The following DGAT1 variants were observed in gnomAD, a reference collection of about 807,000 sequenced individuals.
DGAT1 encodes diacylglycerol O-acyltransferase 1.
In DGAT1, 60 loss-of-function variants were observed where a neutral mutation model predicts 72.6. The observed-to-expected ratio is 0.83, with a 90% confidence interval of 0.67 to 1.02. The LOEUF (loss-of-function observed/expected upper bound fraction) is 1.02. Ranked by LOEUF, DGAT1 falls within the 50% of genes least tolerant of loss-of-function variation. DGAT1 has a pLI of 0.00. For synonymous variants in DGAT1, 290 were observed against 267.5 expected, an observed-to-expected ratio of 1.08 and a Z score of -0.82; for missense variants, 592 against 670.0, an observed-to-expected ratio of 0.88 and a Z score of 1.29.
At chr8:144,319,924 A>G (rs540167695) in intron 2 of DGAT1, among the ~76,000 whole-genome samples, 9 of 152,308 alleles carry the variant, frequency 5.9e-5, no homozygotes, top group African/African-American at 1.7e-4. Context: ...GCAAGGGAAC[A>G]CTGAGGGTGT....
chr8:144,325,537 G>C (rs1817576259), intron 1 of DGAT1, among the ~76,000 whole-genome samples: 1 of 152,176 alleles, frequency 6.6e-6, no homozygotes, highest in Admixed American at 6.5e-5. Context: ...CTAAAACAAA[G>C]CCCTGAGGGC....
Position 144,314,870 on chromosome 8 carries a change from C to G in DGAT1, c.*1684G>C, listed in dbSNP as rs1208893949. On this transcript the variant is annotated 3_prime_UTR_variant, in exon 17 of 17. Coordinates refer to ENST00000528718, the MANE Select transcript of DGAT1 (RefSeq NM_012079.6). ...CTAGCTCCGTGCCTGCCCGACTCCC[C>G]AGGACCAGCATGTGCTTGCAGTTCT... 5.1e-6 allele frequency: 5 copies of G among 985,112 alleles called. No homozygotes were observed. Among genetic ancestry groups the G allele is most frequent in the Non-Finnish European group, 1.2e-6 (1 of 828,458 alleles). 61.0% of individuals were successfully genotyped at this position (985,112 alleles called of 1,614,324 possible). A position where few individuals can be genotyped will look rare whatever the true frequency, so the allele number is the denominator to read the frequency against.
Position 144,315,340 on chromosome 8 carries a change from G to A in DGAT1, c.*1214C>T, listed in dbSNP as rs968677086. 3 of 985,298 alleles carry A rather than the reference G, an allele frequency of 3.0e-6. No homozygotes were observed. The African/African-American group carries it at 5.2e-5, about 17-fold the overall frequency. The allele number at this position is 985,298 out of a possible 1,614,324, so 61.0% of individuals were successfully genotyped here. The stretch of plus-strand genomic sequence containing the variant: ...TCTCAGGGCCCACCAGCCCCCACTG[G>A]GGTAGAGGGAGGATACCACCAAGGG... On this transcript the variant is annotated 3_prime_UTR_variant, in exon 17 of 17. Transcript: ENST00000528718.
intron 1 of DGAT1, 82 bp from the exon 2 acceptor site, chr8:144,321,490 A>T: frequency 1.6e-6 from 2 of 1,274,814 alleles, no homozygotes; most frequent in Middle Eastern, 1.9e-4. Flanking sequence ...CCCCCACCCC[A>T]GTGTCCTCGT....
At position 144,318,681 on chromosome 8, in the gene DGAT1, G is replaced by T; in HGVS notation, c.468+18C>A. The T allele has an allele frequency of 6.2e-7, 1 of 1,608,936 alleles. No individual in the cohort carries two copies. Among genetic ancestry groups the T allele is most frequent in the Non-Finnish European group, 8.5e-7 (1 of 1,178,142 alleles). ...CACAGCAGGGTGAGCACACACGGAG[G>T]TGAGGGGCACTGCTTACCACCGCCA... On this transcript the variant is annotated intron_variant, in intron 5 of 16. Transcript: ENST00000528718.
chr8:144,317,736 G>C, intron 10 of DGAT1, 24 bp from the exon 11 acceptor site: 1 of 1,613,688 alleles, frequency 6.2e-7, no homozygotes, highest in Non-Finnish European at 8.5e-7. Context: ...CACCACGTCA[G>C]CTCCCAGCCA....
In DGAT1 at chr8:144,318,261, CAGCCTT is replaced by C; in HGVS notation, c.670_675del (p.Lys224_Ala225del). ...GCCCCAGCCCCTGGCAGCCCCTCAC[CAGCCTT>C]GGCCCTGGCCCTGCGGCACCATGAG... On this transcript the variant is annotated inframe_deletion and splice_region_variant, in exon 7 of 17. Transcript: ENST00000528718. The C allele has an allele frequency of 6.2e-7, 1 of 1,612,554 alleles. No homozygotes were observed. The highest frequency in any genetic ancestry group is 8.5e-7 in the Non-Finnish European group (1 of 1,179,740).
At chr8:144,322,528 G>A (rs367791344) in intron 1 of DGAT1, among the ~76,000 whole-genome samples, 7 of 152,190 alleles carry the variant, frequency 4.6e-5, no homozygotes, top group Non-Finnish European at 7.4e-5. Flanking sequence ...GATTGGGGTC[G>A]GCAGTCAGAC....
Position 144,316,947 on chromosome 8 carries a change from G to A in DGAT1, c.1249-32C>T, listed in dbSNP as rs782689512. 6.2e-5 allele frequency: 100 copies of A among 1,612,364 alleles called. 1 individual carries two copies. In the South Asian group the frequency reaches 1.1e-3, roughly 17 times the overall value. ...TGGGAGGGAGAGAGGATGCCAGGGA[G>A]TGGGGTGTCAGCCGTCCCTGCTGTG... is the stretch of plus-strand genomic sequence containing the variant. On this transcript the variant is annotated intron_variant, in intron 15 of 16. Transcript: ENST00000528718.
At chr8:144,317,480 G>A in intron 12 of DGAT1, 35 bp from the exon 13 acceptor site, 1 of 1,613,702 alleles carries the variant, frequency 6.2e-7, no homozygotes, top group Non-Finnish European at 8.5e-7. Flanking sequence ...CCAAGTTCTA[G>A]AACCTTCCCC....
chr8:144,319,148 G>A (rs1817369535), intron 2 of DGAT1, 80 bp from the exon 3 acceptor site: 13 of 1,508,238 alleles, frequency 8.6e-6, no homozygotes, highest in South Asian at 4.8e-5. Context: ...CAACACCTCT[G>A]GGCACGTCCC....
chr8:144,317,086 C>G lies in DGAT1; in HGVS notation c.1184G>C (p.Arg395Pro), dbSNP rs782164877. The change falls in exon 15 of 17, where the codon CGA (arginine) becomes CCA (proline). Residue 395 changes from arginine to proline, a missense_variant. Transcript: ENST00000528718. ...CIRHFYKPML[R>P]RGSSKWMART... ...GGCCATCCACTTGCTGCTGCCCCGT[C>G]GAAGCATGGGCTTGTAGAAGTGTCT... 10 of 1,612,928 alleles carry G rather than the reference C, an allele frequency of 6.2e-6. No homozygotes were observed. In the South Asian group the frequency reaches 7.7e-5, roughly 12 times the overall value.
Position 144,315,446 on chromosome 8 carries a change from C to T in DGAT1, c.*1108G>A, listed in dbSNP as rs532834573. On this transcript the variant is annotated 3_prime_UTR_variant, in exon 17 of 17. Transcript: ENST00000528718. The stretch of plus-strand genomic sequence containing the variant: ...GCAGTCCTGGGACCCTGTGCAGGGC[C>T]TCCTCAAACACCTGCCTTGTTGGGC... 1 of 985,572 alleles carries T rather than the reference C, an allele frequency of 1.0e-6. No homozygotes were observed. Among genetic ancestry groups the T allele is most frequent in the Non-Finnish European group, 1.2e-6 (1 of 829,998 alleles). 61.1% of individuals were successfully genotyped at this position (985,572 alleles called of 1,614,324 possible).
Position 144,318,534 on chromosome 8 carries a change from C to T in DGAT1, c.501G>A (p.Leu167=). 2 of 1,611,928 alleles carry T rather than the reference C, an allele frequency of 1.2e-6. No homozygotes were observed. Among genetic ancestry groups the T allele is most frequent in the Non-Finnish European group, 8.5e-7 (1 of 1,179,924 alleles). ...GAATGGTGGCCAGGTTGGCCACGTG[C>T]AGCAGCAGTCCCGCCTGCTCCGTCA... The part of the protein sequence containing the change: ...GALTEQAGLL[L]HVANLATILC... Residue 167 remains leucine (L), a synonymous_variant, in exon 6 of 17, where the codon CTG becomes CTA. Coordinates refer to ENST00000528718, the MANE Select transcript of DGAT1 (RefSeq NM_012079.6).
chr8:144,323,552 T>A (rs926731830), intron 1 of DGAT1, among the ~76,000 whole-genome samples: 15 of 152,094 alleles, frequency 9.9e-5, no homozygotes, highest in African/African-American at 3.4e-4. Flanking sequence ...GGAGGTGGGA[T>A]CTGCCCCTGT....
At chr8:144,317,644 A>T in intron 11 of DGAT1, 27 bp downstream of exon 11, 20 of 1,613,846 alleles carry the variant, frequency 1.2e-5, no homozygotes, top group Non-Finnish European at 1.7e-5. Context: ...CAGCCACCCC[A>T]GCTGCAAGAG....
At chr8:144,318,395 G>A (rs201919043) in intron 6 of DGAT1, 33 bp from the exon 7 acceptor site, 32 of 1,607,354 alleles carry the variant, frequency 2.0e-5, no homozygotes, top group African/African-American at 1.3e-4. Flanking sequence ...CCTCCACAGC[G>A]CCACAGCCGG....
chr8:144,321,372 G>A lies in DGAT1; in HGVS notation c.237C>T (p.Asp79=), dbSNP rs2130534895. The change falls in exon 2 of 17, where the codon GAC becomes GAT. Residue 79 remains aspartate, a synonymous_variant. Transcript: ENST00000528718. ...TGCCACGGTAGTTGCTGAAGCCACT[G>A]TCAGAGCTGAATAAAGAATCCTGCA... ...HRLQDSLFSS[D]SGFSNYRGIL... is the part of the protein sequence containing the mutation. The A allele has an allele frequency of 1.2e-6, 2 of 1,614,014 alleles. No individual in the cohort carries two copies. Among genetic ancestry groups the A allele is most frequent in the East Asian group, 2.2e-5 (1 of 44,886 alleles).
rs147899518 is a variant in DGAT1 at position 144,315,586 on chromosome 8, C to T, written c.*968G>A. The stretch of plus-strand genomic sequence containing the variant: ...GGCCCTGGGGTTACCCCTGACCTCC[C>T]GCTACCATCAAGGGGGGCCCCATCT... On this transcript the variant is annotated 3_prime_UTR_variant, in exon 17 of 17. Coordinates refer to ENST00000528718, the MANE Select transcript of DGAT1 (RefSeq NM_012079.6). 6.7e-5 allele frequency: 66 copies of T among 985,684 alleles called. No individual in the cohort carries two copies. Among genetic ancestry groups the T allele is most frequent in the Admixed American group, 5.5e-4 (9 of 16,300 alleles). 61.1% of individuals were successfully genotyped at this position (985,684 alleles called of 1,614,324 possible). A position where few individuals can be genotyped will look rare whatever the true frequency, so the allele number is the denominator to read the frequency against.
Sources: gnomAD v4.1 joint callset for allele counts (sites outside exome capture counted in the v4.1 genomes callset) on GRCh38, gnomAD v4.1.1 for gene constraint, MANE v1.5 for transcripts, NCBI Gene and HGNC (gene_info 2026-07-23, HGNC 2026-07-21) for gene names.